ADAM15: variants seen among roughly 807,000 people sequenced by gnomAD.
ADAM15 encodes disintegrin and metalloproteinase domain-containing protein 15.
Under a neutral mutation model 113.8 loss-of-function variants are expected in ADAM15, and 77 were observed. The ratio of observed to expected loss-of-function variants is 0.68; its 90% CI spans 0.56 to 0.82. The LOEUF is 0.82. ADAM15 is among the 40% of genes least tolerant of loss of function. The probability of loss-of-function intolerance (pLI) is 0.00; values close to 1 mark genes in which losing one functional copy is unlikely to be tolerated. For synonymous variants in ADAM15, 388 were observed against 454.1 expected (o/e 0.85, Z 1.85); for missense variants, 963 against 1,120.1 (o/e 0.86, Z 2.00).
chr1:155,062,464 G>C lies in ADAM15; in HGVS notation c.2554G>C (p.Ala852Pro), dbSNP rs762919581. ...IPPLVVPSRP[A>P]PPPPTVSSLY... Reference sequence around the variant, plus strand: ...TCTTGGCTTCCCGCAATCCAGACCAGCGCCACCGCCTCCGACAGTGTCCTC... The same window carrying C: ...TCTTGGCTTCCCGCAATCCAGACCACCGCCACCGCCTCCGACAGTGTCCTC... The change falls in exon 23 of 23, where the codon GCG (alanine) becomes CCG (proline). Residue 852 changes from alanine (A) to proline (P), a missense_variant. Coordinates refer to ENST00000356955, the MANE Select transcript of ADAM15 (RefSeq NM_207197.3). This position sits in a 1 kb window ranked among gnomAD's most constrained non-coding sequence, Gnocchi z 7.0. The C allele has an allele frequency of 6.2e-7, 1 of 1,613,370 alleles. No individual in the cohort carries two copies. Among genetic ancestry groups the C allele is most frequent in the South Asian group, 1.1e-5 (1 of 91,062 alleles).
In ADAM15 at chr1:155,052,693, A is replaced by C; in HGVS notation, c.102A>C (p.Ala34=). Residue 34 remains alanine, a synonymous_variant, in exon 2 of 23, where the codon GCA becomes GCC. Transcript: ENST00000356955. The part of the protein sequence containing the change: ...PNIGGTEEQQ[A]ESEKAPREPL... Reference sequence around the variant, plus strand: ...CAGGTGGCACTGAGGAGCAGCAGGCAGAGTCAGAGAAGGCCCCGAGGGAGC... The same window carrying C: ...CAGGTGGCACTGAGGAGCAGCAGGCCGAGTCAGAGAAGGCCCCGAGGGAGC... 6.2e-7 allele frequency: 1 copy of C among 1,610,072 alleles called. No individual in the cohort carries two copies. The highest frequency in any genetic ancestry group is 8.5e-7 in the Non-Finnish European group (1 of 1,178,786).
Position 155,060,302 on chromosome 1 carries a change from C to G in ADAM15, c.2166C>G (p.His722Gln), listed in dbSNP as rs767851295. Residue 722 changes from histidine (H) to glutamine (Q), a missense_variant, in exon 18 of 23, where the codon CAC becomes CAG. Coordinates refer to ENST00000356955, the MANE Select transcript of ADAM15 (RefSeq NM_207197.3). ...GCTACTGGTACCGTGCCCGCCTGCA[C>G]CAGCGACTCTGCCAGCTCAAGGGAC... ...GASYWYRARL[H>Q]QRLCQLKGPT... 1.2e-6 allele frequency: 2 copies of G among 1,613,986 alleles called. No homozygotes were observed. The highest frequency in any genetic ancestry group is 3.3e-5 in the Admixed American group (2 of 59,990).
intron 19 of ADAM15, chr1:155,061,036 C>T: frequency 1.7e-6 from 1 of 600,444 alleles, no homozygotes; most frequent in East Asian, 2.8e-5. Flanking sequence ...GGAGGGCAGC[C>T]AGCTGGAGCA....
Position 155,053,565 on chromosome 1 carries a change from AC to A in ADAM15, c.263+73del. On this transcript the variant is annotated intron_variant, in intron 3 of 22. Transcript: ENST00000356955. ...GTATAGCATTTATTATGTGCCAGGTACTAAGTGCTTGTGCTCATTTAATCCT... is the reference window on the plus strand; with the variant it reads ...GTATAGCATTTATTATGTGCCAGGTATAAGTGCTTGTGCTCATTTAATCCT... The A allele has an allele frequency of 2.7e-6, 4 of 1,497,782 alleles. No homozygotes were observed. The South Asian group carries it at 4.5e-5, about 17-fold the overall frequency. 92.8% of individuals were successfully genotyped at this position (1,497,782 alleles called of 1,614,324 possible).
chr1:155,056,834 A>T lies in ADAM15; in HGVS notation c.1000-119A>T. ...TTTAGAAGCAATTCAGGAGGGAAGC[A>T]GTGCCTGCTGAGTGCCCACGAGGTC... On this transcript the variant is annotated intron_variant, in intron 10 of 22. Coordinates refer to ENST00000356955, the MANE Select transcript of ADAM15 (RefSeq NM_207197.3). This position sits in a 1 kb window ranked among gnomAD's most constrained non-coding sequence, Gnocchi z 4.0. 7.2e-7 allele frequency: 1 copy of T among 1,388,356 alleles called. No individual in the cohort carries two copies. Among genetic ancestry groups the T allele is most frequent in the Non-Finnish European group, 9.8e-7 (1 of 1,024,512 alleles). The allele number at this position is 1,388,356 out of a possible 1,614,324, so 86.0% of individuals were successfully genotyped here. A position where few individuals can be genotyped will look rare whatever the true frequency, so the allele number is the denominator to read the frequency against.
At position 155,062,615 on chromosome 1, in the gene ADAM15, GAC is replaced by G; in HGVS notation, c.*114_*115del. The G allele has an allele frequency of 7.0e-7, 1 of 1,423,610 alleles. No individual in the cohort carries two copies. The highest frequency in any genetic ancestry group is 9.6e-7 in the Non-Finnish European group (1 of 1,041,638). The allele number at this position is 1,423,610 out of a possible 1,614,324, so 88.2% of individuals were successfully genotyped here. A position where few individuals can be genotyped will look rare whatever the true frequency, so the allele number is the denominator to read the frequency against. On this transcript the variant is annotated 3_prime_UTR_variant, in exon 23 of 23. Transcript: ENST00000356955. This position sits in a 1 kb window ranked among gnomAD's most constrained non-coding sequence, Gnocchi z 7.0. ...GCGCCAGAGACTGGCGGTGTCTTAA[GAC>G]TCCGGGCACCGCCACGCGCTGTCAA...
intron 1 of ADAM15, 170 bp downstream of exon 1, chr1:155,051,635 G>T: frequency 1.8e-6 from 1 of 554,126 alleles, no homozygotes; most frequent in South Asian, 3.0e-5. Context: ...TTGGCGATGG[G>T]GTGAAAAGAG....
chr1:155,056,317 C>T lies in ADAM15; in HGVS notation c.914+68C>T. On this transcript the variant is annotated intron_variant, in intron 9 of 22. Coordinates refer to ENST00000356955, the MANE Select transcript of ADAM15 (RefSeq NM_207197.3). This position sits in a 1 kb window ranked among gnomAD's most constrained non-coding sequence, Gnocchi z 4.0. ...GCCAAATTCACACCCCTTCAGCACC[C>T]TACCTCAGCCCCTGAAGCTCTGACC... is the stretch of plus-strand genomic sequence containing the variant. 6.2e-7 allele frequency: 1 copy of T among 1,610,976 alleles called. No individual in the cohort carries two copies. Among genetic ancestry groups the T allele is most frequent in the Admixed American group, 1.7e-5 (1 of 59,924 alleles).
At chr1:155,060,894 G>T in intron 19 of ADAM15, 62 bp downstream of exon 19, 1 of 1,488,182 alleles carries the variant, frequency 6.7e-7, no homozygotes. Flanking sequence ...CTTGGGCCCT[G>T]GGGGGTGCGC....
chr1:155,061,570 TG>T, intron 20 of ADAM15, 81 bp downstream of exon 20: 1 of 1,409,278 alleles, frequency 7.1e-7, no homozygotes, highest in Non-Finnish European at 9.8e-7. Context: ...CCCTGCTCCC[TG>T]CCAGTGGTGC....
intron 16 of ADAM15, 57 bp from the exon 17 acceptor site, chr1:155,059,845 G>A: frequency 1.3e-6 from 2 of 1,563,538 alleles, no homozygotes; most frequent in Non-Finnish European, 1.8e-6. Flanking sequence ...AAAAGCTAGA[G>A]ACAAGGAAAT....
intron 2 of ADAM15, among the ~76,000 whole-genome samples, chr1:155,053,119 C>G (rs993515639): frequency 2.8e-4 from 38 of 134,810 alleles, no homozygotes; most frequent in African/African-American, 1.1e-3. Context: ...CCCCCCCCCC[C>G]CACCCCATTC....
At chr1:155,059,151 T>G (rs1220264626) in intron 16 of ADAM15, among the ~76,000 whole-genome samples, 1 of 152,108 alleles carries the variant, frequency 6.6e-6, no homozygotes, top group Non-Finnish European at 1.5e-5. Context: ...CACTGCAACC[T>G]CTGCCTCCCA....
intron 3 of ADAM15, 46 bp from the exon 4 acceptor site, chr1:155,053,864 C>T: frequency 6.3e-7 from 1 of 1,599,002 alleles, no homozygotes; most frequent in Non-Finnish European, 8.6e-7. Flanking sequence ...CAATGCACGA[C>T]CTGGGAAGTG....
At chr1:155,055,046 A>G (rs1661578361) in intron 6 of ADAM15, among the ~76,000 whole-genome samples, 1 of 152,148 alleles carries the variant, frequency 6.6e-6, no homozygotes, top group Non-Finnish European at 1.5e-5. Flanking sequence ...ATACATAGTT[A>G]CCAATGATGA....
chr1:155,060,783 C>T lies in ADAM15; in HGVS notation c.2228C>T (p.Ser743Phe). The T allele has an allele frequency of 1.2e-6, 2 of 1,613,698 alleles. No individual in the cohort carries two copies. Among genetic ancestry groups the T allele is most frequent in the African/African-American group, 1.3e-5 (1 of 75,074 alleles). The change falls in exon 19 of 23, where the codon TCT becomes TTT. Residue 743 changes from serine to phenylalanine, a missense_variant. Physicochemically the swap from Ser to Phe is radical, Grantham distance 155. Transcript: ENST00000356955. ...CATAGGGCAGCCCAATCTGGTCCCT[C>T]TGAACGGCCAGGACCTCCGCAGAGG... ...CQYRAAQSGP[S>F]ERPGPPQRAL...
rs750607586 is a variant in ADAM15, at chr1:155,062,050, T to C, written c.2424+75T>C. ...GTGGTGCTGGTAGCCATGACGGTGG[T>C]GGCCGTGGCGAGATGCCCCCTCAGT... On this transcript the variant is annotated intron_variant, in intron 21 of 22. Transcript: ENST00000356955. This position sits in a 1 kb window ranked among gnomAD's most constrained non-coding sequence, Gnocchi z 7.0. 6.8e-7 allele frequency: 1 copy of C among 1,478,754 alleles called. No individual in the cohort carries two copies. Among genetic ancestry groups the C allele is most frequent in the African/African-American group, 1.4e-5 (1 of 70,550 alleles). 91.6% of individuals were successfully genotyped at this position (1,478,754 alleles called of 1,614,324 possible). A position where few individuals can be genotyped will look rare whatever the true frequency, so the allele number is the denominator to read the frequency against.
At position 155,058,038 on chromosome 1, in the gene ADAM15, G is replaced by A; in HGVS notation, c.1604G>A (p.Trp535Ter). The A allele has an allele frequency of 2.5e-6, 4 of 1,614,106 alleles. No homozygotes were observed. Among genetic ancestry groups the A allele is most frequent in the Non-Finnish European group, 3.4e-6 (4 of 1,180,040 alleles). ...ASYAQQCQSLWGPGAQPAAPL... is the reference protein window; with the variant it reads ...ASYAQQCQSL Reference sequence around the variant, plus strand: ...TATGCCCAGCAGTGCCAGTCACTTTGGGGACCTGGAGCCCAGCCCGCTGCG... The same window carrying A: ...TATGCCCAGCAGTGCCAGTCACTTTAGGGACCTGGAGCCCAGCCCGCTGCG... The change falls in exon 14 of 23, where the codon TGG (tryptophan) becomes TAG (stop). Residue 535 changes from tryptophan (W) to a stop codon, truncating the protein, a stop_gained. Coordinates refer to ENST00000356955, the MANE Select transcript of ADAM15 (RefSeq NM_207197.3). LOFTEE classifies it high-confidence loss of function. This position sits in a 1 kb window ranked among gnomAD's most constrained non-coding sequence, Gnocchi z 4.3.
intron 18 of ADAM15, 69 bp from the exon 19 acceptor site, chr1:155,060,694 G>A (rs1054575130): frequency 1.3e-6 from 2 of 1,525,036 alleles, no homozygotes; most frequent in African/African-American, 2.7e-5. Flanking sequence ...CCCCACTCAG[G>A]GATGGCATAT....
Sources: allele counts gnomAD v4.1 joint callset (sites outside exome capture counted in the v4.1 genomes callset), GRCh38; gene constraint gnomAD v4.1.1; non-coding constraint Gnocchi (gnomAD v3.1); transcripts MANE v1.5; gene names NCBI Gene and HGNC (gene_info 2026-07-23, HGNC 2026-07-21).